OSBPL8: variants seen among roughly 807,000 people sequenced by gnomAD.
The protein encoded by OSBPL8 is oxysterol-binding protein-related protein 8.
OSBPL8 carries 59 observed loss-of-function variants against 125.5 expected under a neutral mutation model. The observed-to-expected ratio is 0.47, with a 90% CI of 0.38 to 0.58. The LOEUF is 0.58. Ranked by LOEUF, OSBPL8 falls within the 20% of genes least tolerant of loss-of-function variation. The pLI, the probability that OSBPL8 is intolerant of heterozygous loss-of-function variation, is 0.00. For missense variants in OSBPL8, 758 were observed against 1,047.8 expected, an observed-to-expected ratio of 0.72 and a Z score of 3.82; for synonymous variants, 330 against 338.9, an observed-to-expected ratio of 0.97 and a Z score of 0.29.
chr12:76,400,020 A>G (rs1953982877), intron 6 of OSBPL8, 46 bp from the exon 7 acceptor site: 3 of 1,439,156 alleles, frequency 2.1e-6, no homozygotes, highest in Non-Finnish European at 2.8e-6. Flanking sequence ...AACAGAAATG[A>G]GCAATTTATT....
intron 2 of OSBPL8, 51 bp from the exon 3 acceptor site, chr12:76,459,946 AG>A (rs758178083): frequency 7.5e-6 from 12 of 1,593,282 alleles, no homozygotes; most frequent in Non-Finnish European, 9.5e-6. Context: ...CAAATCAGGA[AG>A]AAGCAAAATG....
chr12:76,356,219 A>T (rs969048570), intron 23 of OSBPL8, among the ~76,000 whole-genome samples, 198 bp from the exon 24 acceptor site: 3 of 152,024 alleles, frequency 2.0e-5, no homozygotes, highest in Admixed American at 6.6e-5. Flanking sequence ...CAGGGAGTAA[A>T]TATTTACCCA....
At position 76,375,386 on chromosome 12, in the gene OSBPL8, T is replaced by A. The variant is rs183034709; in HGVS notation, c.1730-16A>T. 6.8e-5 allele frequency: 108 copies of A among 1,583,524 alleles called. No homozygotes were observed. The East Asian group carries it at 1.9e-3, about 28-fold the overall frequency. On this transcript the variant is annotated splice_polypyrimidine_tract_variant and intron_variant, in intron 16 of 23. Coordinates refer to ENST00000261183, the MANE Select transcript of OSBPL8 (RefSeq NM_020841.5). Reference sequence around the variant, plus strand: ...TAAAGAATTCCTAAAGGAAAAAGATTTGACAAAAAATTGAAAAGAGTATAG... The same window carrying A: ...TAAAGAATTCCTAAAGGAAAAAGATATGACAAAAAATTGAAAAGAGTATAG...
chr12:76,368,833 T>C (rs1009547271), intron 21 of OSBPL8, among the ~76,000 whole-genome samples: 1 of 152,180 alleles, frequency 6.6e-6, no homozygotes, highest in Non-Finnish European at 1.5e-5. Context: ...ACATACACAA[T>C]TGTGTATGAG....
chr12:76,488,412 C>T (rs1033327646), intron 1 of OSBPL8, among the ~76,000 whole-genome samples: 1 of 152,076 alleles, frequency 6.6e-6, no homozygotes, highest in South Asian at 2.1e-4. Context: ...TATTGTGTTT[C>T]GCTTTACTGC....
intron 21 of OSBPL8, among the ~76,000 whole-genome samples, chr12:76,364,935 G>A (rs192542026): frequency 1.2e-3 from 183 of 152,138 alleles, no homozygotes; most frequent in African/African-American, 4.2e-3. Context: ...GGATTGTGGC[G>A]AATCTGTAGG....
chr12:76,511,713 A>C (rs758887885), intron 1 of OSBPL8, among the ~76,000 whole-genome samples: 3 of 152,214 alleles, frequency 2.0e-5, no homozygotes, highest in Non-Finnish European at 4.4e-5. Context: ...TGCTGTGCAG[A>C]AGCTCTTAAG....
rs151056576 is a variant in OSBPL8 at position 76,478,585 on chromosome 12, T to A, written c.42+8925A>T. 6.2e-3 allele frequency among the ~76,000 whole-genome samples: 936 copies of A among 152,182 alleles called. 6 individuals carry two copies. Among genetic ancestry groups the A allele is most frequent in the Middle Eastern group, 0.037 (11 of 294 alleles). On this transcript the variant is annotated intron_variant, in intron 2 of 23. Transcript: ENST00000261183. ...GAGTCCAATTATATACCTGAATGAT[T>A]TTTACATTACTCAAGCCTCTAACAA...
intron 1 of OSBPL8, among the ~76,000 whole-genome samples, chr12:76,541,851 G>A (rs1426398317): frequency 6.6e-6 from 1 of 151,368 alleles, no homozygotes; most frequent in Non-Finnish European, 1.5e-5. Flanking sequence ...ACAAGACTCT[G>A]TCTCAAAAAA....
At chr12:76,484,116 T>C (rs1464219951) in intron 2 of OSBPL8, among the ~76,000 whole-genome samples, 2 of 152,190 alleles carry the variant, frequency 1.3e-5, no homozygotes, top group Non-Finnish European at 2.9e-5. Flanking sequence ...AAGCCTTCCA[T>C]AAATTTGGTC....
intron 19 of OSBPL8, among the ~76,000 whole-genome samples, chr12:76,370,600 T>C (rs368695364): frequency 1.3e-5 from 2 of 152,196 alleles, no homozygotes; most frequent in East Asian, 3.8e-4. Flanking sequence ...CTGAATTATA[T>C]ACTCTCACAA....
At chr12:76,440,253 T>TAC (rs1386804134) in intron 4 of OSBPL8, among the ~76,000 whole-genome samples, 2 of 152,134 alleles carry the variant, frequency 1.3e-5, no homozygotes, top group South Asian at 2.1e-4. Context: ...GCACAGTAGG[T>TAC]ACCTCATGTG....
At chr12:76,532,816 CA>C (rs891711673) in intron 1 of OSBPL8, among the ~76,000 whole-genome samples, 7 of 151,620 alleles carry the variant, frequency 4.6e-5, no homozygotes, top group African/African-American at 7.3e-5. Flanking sequence ...AAAACAATCA[CA>C]AAAAAAACTA....
chr12:76,555,395 A>G (rs1951063607), intron 1 of OSBPL8, among the ~76,000 whole-genome samples: 1 of 152,184 alleles, frequency 6.6e-6, no homozygotes, highest in Non-Finnish European at 1.5e-5. Flanking sequence ...GAAAACATTA[A>G]ACTGACTGAA....
At chr12:76,547,103 C>G (rs942133160) in intron 1 of OSBPL8, among the ~76,000 whole-genome samples, 48 of 152,238 alleles carry the variant, frequency 3.2e-4, no homozygotes, top group African/African-American at 7.9e-4. Context: ...AGGAGAATTA[C>G]GACTCCAATT....
chr12:76,423,025 T>C (rs147832925), intron 4 of OSBPL8: 1 of 157,614 alleles, frequency 6.3e-6, no homozygotes, highest in East Asian at 1.8e-4. Flanking sequence ...CATTTTCTCT[T>C]CTCAGAAATG....
intron 4 of OSBPL8, among the ~76,000 whole-genome samples, chr12:76,440,351 G>C (rs1370121934): frequency 6.6e-6 from 1 of 151,816 alleles, no homozygotes; most frequent in Admixed American, 6.6e-5. Context: ...CGGTATTTTA[G>C]ATTTTAAGCT....
At chr12:76,368,992 C>G (rs1204979688) in intron 21 of OSBPL8, among the ~76,000 whole-genome samples, 1 of 152,146 alleles carries the variant, frequency 6.6e-6, no homozygotes, top group Non-Finnish European at 1.5e-5. Context: ...CCAGTGTTCA[C>G]TTGGTTGCTG....
chr12:76,557,483 C>T (rs1951140978), intron 1 of OSBPL8, among the ~76,000 whole-genome samples: 1 of 151,942 alleles, frequency 6.6e-6, no homozygotes, highest in South Asian at 2.1e-4. Context: ...GGCATGGTGG[C>T]ACGCACCTGT....
Sources: gnomAD v4.1 joint callset for allele counts (sites outside exome capture counted in the v4.1 genomes callset) on GRCh38, gnomAD v4.1.1 for gene constraint, MANE v1.5 for transcripts, NCBI Gene and HGNC (gene_info 2026-07-23, HGNC 2026-07-21) for gene names.